The following GALNT13 variants were observed in gnomAD, a reference collection of about 807,000 sequenced individuals.
GALNT13 encodes UDP-GalNAc:polypeptide N-acetylgalactosaminyltransferase 13.
Under a neutral mutation model 64.2 loss-of-function variants are expected in GALNT13, and 28 were observed. That is an observed-to-expected ratio of 0.44 (90% CI 0.32 to 0.60). The LOEUF (loss-of-function observed/expected upper bound fraction) is 0.60, where lower values mean the gene tolerates loss of function less well. Among genes scored for constraint, GALNT13 ranks in the 20% least tolerant of loss-of-function variants. The pLI, the probability that GALNT13 is intolerant of heterozygous loss-of-function variation, is 0.05. For missense variants in GALNT13, 577 were observed against 669.8 expected, an observed-to-expected ratio of 0.86 and a Z score of 1.53; for synonymous variants, 214 against 224.6, an observed-to-expected ratio of 0.95 and a Z score of 0.42.
At chr2:154,362,332 T>C (rs145938616) in intron 9 of GALNT13, among the ~76,000 whole-genome samples, 1 of 146,204 alleles carries the variant, frequency 6.8e-6, no homozygotes, top group East Asian at 2.2e-4. Flanking sequence ...TTTTCTGACA[T>C]ACATGACATA....
the GALNT13 span, among the ~76,000 whole-genome samples, chr2:153,699,115 G>A: frequency 6.6e-5 from 10 of 152,178 alleles, no homozygotes; most frequent in African/African-American, 1.4e-4. Context: ...ACAGCTACTC[G>A]GGAGGCTGAG....
the GALNT13 span, among the ~76,000 whole-genome samples, chr2:153,638,806 T>A: frequency 6.6e-6 from 1 of 152,068 alleles, no homozygotes; most frequent in Non-Finnish European, 1.5e-5. Context: ...GAGGAATAAA[T>A]GTCATTGGCT....
rs1158507951 is a variant in GALNT13 at position 154,451,932 on chromosome 2, A to C, written c.*1381A>C. ...AGAAGATTCCACTTCTTTGGTCCTC[A>C]TCTTTACTTAAAAAGCTCTTATAGA... On this transcript the variant is annotated 3_prime_UTR_variant, in exon 13 of 13. Coordinates refer to ENST00000392825, the MANE Select transcript of GALNT13 (RefSeq NM_052917.4). The C allele has an allele frequency of 6.6e-6, 1 of 152,230 alleles. No individual in the cohort carries two copies. Among genetic ancestry groups the C allele is most frequent in the South Asian group, 2.1e-4 (1 of 4,828 alleles). 9.4% of individuals were successfully genotyped at this position (152,230 alleles called of 1,614,324 possible).
At chr2:153,733,487 C>T in the GALNT13 span, among the ~76,000 whole-genome samples, 1 of 152,168 alleles carries the variant, frequency 6.6e-6, no homozygotes, top group East Asian at 1.9e-4. Context: ...GATACAGCCC[C>T]TCTTTTTCCT....
At chr2:154,456,245 T>C (rs114643997), downstream of GALNT13, among the ~76,000 whole-genome samples, 2,819 of 150,106 alleles carry the variant, frequency 0.019, 42 homozygotes, top group Middle Eastern at 0.045. Flanking sequence ...TAGAAAGGAG[T>C]AATTTCAAAA....
At chr2:153,336,111 G>A in the GALNT13 span, among the ~76,000 whole-genome samples, 1 of 152,212 alleles carries the variant, frequency 6.6e-6, no homozygotes. Context: ...ATAATGCCTG[G>A]ATGCCCAGGC....
the GALNT13 span, among the ~76,000 whole-genome samples, chr2:153,694,861 A>G: frequency 3.3e-5 from 5 of 152,204 alleles, no homozygotes. Flanking sequence ...TTTTAAAACT[A>G]AGGAAATATT....
At chr2:154,380,896 C>G (rs749551921) in intron 9 of GALNT13, among the ~76,000 whole-genome samples, 2 of 151,920 alleles carry the variant, frequency 1.3e-5, no homozygotes, top group African/African-American at 4.8e-5. Context: ...CAGGCTGAAA[C>G]CTTTAGTTTC....
intron 8 of GALNT13, among the ~76,000 whole-genome samples, chr2:154,285,649 G>A (rs1410539956): frequency 6.6e-6 from 1 of 152,152 alleles, no homozygotes; most frequent in Non-Finnish European, 1.5e-5. Flanking sequence ...ATCAGGAAAT[G>A]TGATGCTCAA....
chr2:154,410,570 G>A (rs575599840), intron 11 of GALNT13, among the ~76,000 whole-genome samples: 104 of 151,774 alleles, frequency 6.9e-4, no homozygotes, highest in African/African-American at 2.1e-3. Context: ...GGCTCTACAC[G>A]TCTCAGTGTA....
chr2:153,557,568 C>G, the GALNT13 span, among the ~76,000 whole-genome samples: 6 of 152,140 alleles, frequency 3.9e-5, no homozygotes, highest in African/African-American at 1.2e-4. Flanking sequence ...TCATTTCTTG[C>G]TTGAACATTT....
At chr2:154,086,072 C>G (rs1018851286) in intron 3 of GALNT13, among the ~76,000 whole-genome samples, 1 of 149,936 alleles carries the variant, frequency 6.7e-6, no homozygotes, top group Non-Finnish European at 1.5e-5. Flanking sequence ...CTGAAAATAC[C>G]CTTTTTCTTG....
intron 4 of GALNT13, among the ~76,000 whole-genome samples, chr2:154,168,673 T>TAAAAAA (rs70983708): frequency 2.5e-4 from 25 of 101,104 alleles, no homozygotes; most frequent in South Asian, 1.7e-3. Flanking sequence ...TCTCTACTAT[T>TAAAAAA]AAAAAAAAAA....
At chr2:154,155,157 T>A (rs1684332883) in intron 4 of GALNT13, among the ~76,000 whole-genome samples, 1 of 152,060 alleles carries the variant, frequency 6.6e-6, no homozygotes, top group African/African-American at 2.4e-5. Context: ...AAAAGATGTG[T>A]ACCAGAGATC....
At chr2:153,436,664 C>T in the GALNT13 span, among the ~76,000 whole-genome samples, 10 of 152,194 alleles carry the variant, frequency 6.6e-5, no homozygotes, top group South Asian at 1.7e-3. Context: ...TCTGTGGGAT[C>T]GGTGGTGATA....
At chr2:153,092,454 C>T in the GALNT13 span, among the ~76,000 whole-genome samples, 6 of 152,124 alleles carry the variant, frequency 3.9e-5, no homozygotes, top group Non-Finnish European at 7.4e-5. Context: ...TAACAAGATT[C>T]ATGCTTCCAA....
chr2:153,318,011 T>G, the GALNT13 span, among the ~76,000 whole-genome samples: 1 of 152,132 alleles, frequency 6.6e-6, no homozygotes, highest in Non-Finnish European at 1.5e-5. Flanking sequence ...GAATTATGGC[T>G]GTGCTATGTT....
At chr2:154,278,922 C>A (rs750035129) in intron 8 of GALNT13, among the ~76,000 whole-genome samples, 2 of 151,748 alleles carry the variant, frequency 1.3e-5, no homozygotes, top group African/African-American at 4.8e-5. Flanking sequence ...TTCATTTTAT[C>A]ATAAATTTAA....
chr2:153,819,983 A>C, the GALNT13 span, among the ~76,000 whole-genome samples: 2 of 152,346 alleles, frequency 1.3e-5, no homozygotes, highest in African/African-American at 4.8e-5. Flanking sequence ...GAGATCAAAG[A>C]AAAGGTTGAA....
Sources: gnomAD v4.1 joint callset for allele counts (sites outside exome capture counted in the v4.1 genomes callset) on GRCh38, gnomAD v4.1.1 for gene constraint, MANE v1.5 for transcripts, NCBI Gene and HGNC (gene_info 2026-07-23, HGNC 2026-07-21) for gene names.